ATP1B3: variants seen among roughly 807,000 people sequenced by gnomAD.
ATP1B3 encodes ATPase Na+/K+ transporting subunit beta 3.
Under a neutral mutation model 30.2 loss-of-function variants are expected in ATP1B3, and 10 were observed. The observed-to-expected ratio is 0.33, with a 90% CI of 0.20 to 0.56. ATP1B3 has a LOEUF of 0.56. Among genes scored for constraint, ATP1B3 ranks in the 20% least tolerant of loss-of-function variants. The probability of loss-of-function intolerance (pLI) is 0.90; values close to 1 mark genes in which losing one functional copy is unlikely to be tolerated. For synonymous variants in ATP1B3, 113 were observed against 117.0 expected, an observed-to-expected ratio of 0.97 and a Z score of 0.22; for missense variants, 238 against 336.7, an observed-to-expected ratio of 0.71 and a Z score of 2.29.
At chr3:141,916,471 A>G (rs1195500223) in intron 5 of ATP1B3, 7 of 941,976 alleles carry the variant, frequency 7.4e-6, no homozygotes, top group African/African-American at 5.1e-5. Flanking sequence ...CCCTATCCCT[A>G]CTTACTTTTT....
intron 1 of ATP1B3, among the ~76,000 whole-genome samples, chr3:141,888,982 C>G (rs967890683): frequency 3.3e-5 from 5 of 152,084 alleles, no homozygotes; most frequent in African/African-American, 1.2e-4. Context: ...ACTCACAGTT[C>G]CACATGGCTG....
chr3:141,881,873 C>G (rs1348787334), intron 1 of ATP1B3, among the ~76,000 whole-genome samples: 2 of 152,096 alleles, frequency 1.3e-5, no homozygotes, highest in African/African-American at 4.8e-5. Context: ...AAGAGAAGGG[C>G]AGGTACTGAG....
chr3:141,900,505 C>G (rs1934144102), intron 1 of ATP1B3, among the ~76,000 whole-genome samples: 2 of 152,160 alleles, frequency 1.3e-5, no homozygotes, highest in Non-Finnish European at 2.9e-5. Flanking sequence ...CACTTACTTT[C>G]CTGAGCTCTG....
intron 1 of ATP1B3, among the ~76,000 whole-genome samples, chr3:141,883,162 A>G (rs1933763353): frequency 6.6e-6 from 1 of 152,160 alleles, no homozygotes; most frequent in Non-Finnish European, 1.5e-5. Flanking sequence ...CAGCTTTGAT[A>G]GTCTGATACC....
chr3:141,902,232 T>A, intron 1 of ATP1B3: 2 of 1,281,410 alleles, frequency 1.6e-6, no homozygotes, highest in South Asian at 2.5e-5. Context: ...CACCTGGTAA[T>A]TGGGGGGGAG....
chr3:141,889,512 C>T (rs1432321584), intron 1 of ATP1B3, among the ~76,000 whole-genome samples: 1 of 151,580 alleles, frequency 6.6e-6, no homozygotes, highest in Admixed American at 6.6e-5. Context: ...GGCGGATCAC[C>T]TGAGGTCAGG....
intron 1 of ATP1B3, among the ~76,000 whole-genome samples, chr3:141,892,735 G>T (rs1291482347): frequency 6.6e-6 from 1 of 150,828 alleles, no homozygotes; most frequent in Admixed American, 6.6e-5. Flanking sequence ...CAAACACAGT[G>T]ACAAAATCAT....
In ATP1B3 at chr3:141,913,659, T is replaced by C; in HGVS notation, c.354T>C (p.Thr118=). The part of the protein sequence containing the change: ...EDLKKFLKPY[T]LEEQKNLTVC... ...TATATGTTTCCTTTTTAGCATATAC[T>C]TTAGAAGAACAGAAGAACCTCACAG... Residue 118 remains threonine (T), a synonymous_variant, in exon 4 of 7, where the codon ACT becomes ACC. Coordinates refer to ENST00000286371, the MANE Select transcript of ATP1B3 (RefSeq NM_001679.4). 6.2e-7 allele frequency: 1 copy of C among 1,610,504 alleles called. No homozygotes were observed. Among genetic ancestry groups the C allele is most frequent in the Middle Eastern group, 2.0e-4 (1 of 4,910 alleles).
chr3:141,891,382 T>C (rs576223079), intron 1 of ATP1B3, among the ~76,000 whole-genome samples: 2 of 152,338 alleles, frequency 1.3e-5, no homozygotes, highest in Non-Finnish European at 2.9e-5. Context: ...TAGAAAATAG[T>C]CTGTTCTTTC....
rs752821991 is a variant in ATP1B3, at chr3:141,876,767, C to G, written c.-35C>G. On this transcript the variant is annotated 5_prime_UTR_variant, in exon 1 of 7. Coordinates refer to ENST00000286371, the MANE Select transcript of ATP1B3 (RefSeq NM_001679.4). ...GCAGCCCTCGCCGCCTCCATCCCCG[C>G]GGCCGCAGCTCCTCTCGCCGTCCGC... is the stretch of plus-strand genomic sequence containing the variant. 1.9e-6 allele frequency: 3 copies of G among 1,550,986 alleles called. No homozygotes were observed. The highest frequency in any genetic ancestry group is 2.6e-6 in the Non-Finnish European group (3 of 1,135,988).
intron 1 of ATP1B3, among the ~76,000 whole-genome samples, chr3:141,899,604 T>G (rs1934124481): frequency 6.6e-6 from 1 of 152,228 alleles, no homozygotes; most frequent in South Asian, 2.1e-4. Flanking sequence ...ATGCAGTGGC[T>G]CACGCCTGTA....
At chr3:141,920,063 C>T (rs1487296422) in intron 5 of ATP1B3, among the ~76,000 whole-genome samples, 1 of 152,100 alleles carries the variant, frequency 6.6e-6, no homozygotes, top group Non-Finnish European at 1.5e-5. Flanking sequence ...TTTATTTTCA[C>T]AGAAGGTATA....
chr3:141,894,631 TAC>T (rs1428766827), intron 1 of ATP1B3, among the ~76,000 whole-genome samples: 1 of 152,212 alleles, frequency 6.6e-6, no homozygotes, highest in African/African-American at 2.4e-5. Flanking sequence ...AGCCTAGACC[TAC>T]ACAGAGTCAG....
At chr3:141,902,311 G>A (rs1934179131) in intron 1 of ATP1B3, 1 of 1,009,612 alleles carries the variant, frequency 9.9e-7, no homozygotes, top group Non-Finnish European at 1.4e-6. Context: ...TGAAAAAGGG[G>A]GTTGGGGGTG....
rs775182342 is a variant in ATP1B3 at position 141,890,285 on chromosome 3, CTTTTTTTTTTTTTTTTT to C, written c.110-13316_110-13300del. Among the ~76,000 whole-genome samples, 126 of 28,556 alleles carry C rather than the reference CTTTTTTTTTTTTTTTTT, an allele frequency of 4.4e-3. 3 individuals carry two copies. Among genetic ancestry groups the C allele is most frequent in the Non-Finnish European group, 5.8e-3 (101 of 17,356 alleles). 18.7% of individuals were successfully genotyped at this position (28,556 alleles called of 152,430 possible). A position where few individuals can be genotyped will look rare whatever the true frequency, so the allele number is the denominator to read the frequency against. On this transcript the variant is annotated intron_variant, in intron 1 of 6. Coordinates refer to ENST00000286371, the MANE Select transcript of ATP1B3 (RefSeq NM_001679.4). Reference sequence around the variant, plus strand: ...TTTGTTTGTTTGTTTTTTTGTGGGGCTTTTTTTTTTTTTTTTTTTTTTTTTTTTTTTTTTTGAGATGG... The same window carrying C: ...TTTGTTTGTTTGTTTTTTTGTGGGGCTTTTTTTTTTTTTTTTTTGAGATGG...
intron 1 of ATP1B3, among the ~76,000 whole-genome samples, chr3:141,886,384 T>A (rs998707186): frequency 9.9e-5 from 15 of 152,222 alleles, no homozygotes; most frequent in Admixed American, 3.9e-4. Flanking sequence ...AAGCCTTCTC[T>A]GATATGCTCA....
intron 6 of ATP1B3, among the ~76,000 whole-genome samples, chr3:141,924,339 CAA>C (rs34894586): frequency 0.016 from 1,835 of 112,894 alleles, 29 homozygotes; most frequent in Non-Finnish European, 0.019. Flanking sequence ...TGCAATGTCT[CAA>C]AAAAAAAAAA....
intron 1 of ATP1B3, chr3:141,903,106 C>T (rs1934195244): frequency 6.5e-6 from 1 of 154,878 alleles, no homozygotes; most frequent in Non-Finnish European, 1.4e-5. Flanking sequence ...CCCATCTCAG[C>T]CTCTCAAAGT....
intron 6 of ATP1B3, 63 bp downstream of exon 6, chr3:141,922,126 G>T: frequency 2.0e-6 from 2 of 984,992 alleles, no homozygotes; most frequent in Non-Finnish European, 3.0e-6. Context: ...ATGTGTTGAC[G>T]TACCACTTGT....
Sources: gnomAD v4.1 joint callset for allele counts (sites outside exome capture counted in the v4.1 genomes callset) on GRCh38, gnomAD v4.1.1 for gene constraint, MANE v1.5 for transcripts, NCBI Gene and HGNC (gene_info 2026-07-23, HGNC 2026-07-21) for gene names.